Variants in SHISA9 observed in about 807,000 individuals in gnomAD.
SHISA9 encodes the protein shisa family member 9, also known as protein shisa-9.
SHISA9 carries 13 observed loss-of-function variants against 38.0 expected under a neutral mutation model. That is an observed-to-expected ratio of 0.34 (90% CI 0.22 to 0.54). The LOEUF is 0.54. Among genes scored for constraint, SHISA9 ranks in the 20% least tolerant of loss-of-function variants. The pLI is 0.91. For missense variants in SHISA9, 538 were observed against 575.8 expected, an observed-to-expected ratio of 0.93 and a Z score of 0.67; for synonymous variants, 275 against 242.0, an observed-to-expected ratio of 1.14 and a Z score of -1.27.
At chr16:12,977,089 G>C (rs1438496128) in intron 2 of SHISA9, among the ~76,000 whole-genome samples, 2 of 152,176 alleles carry the variant, frequency 1.3e-5, no homozygotes, top group Admixed American at 6.5e-5. Flanking sequence ...TGTTGCCAGT[G>C]AAATGTGAAT....
the SHISA9 span, among the ~76,000 whole-genome samples, chr16:13,353,729 G>A: frequency 2.0e-5 from 3 of 152,120 alleles, no homozygotes; most frequent in Non-Finnish European, 2.9e-5. Flanking sequence ...AGTGGTAAAA[G>A]TATTGTCCAG....
chr16:13,393,602 G>A, the SHISA9 span, among the ~76,000 whole-genome samples: 1 of 152,196 alleles, frequency 6.6e-6, no homozygotes, highest in East Asian at 1.9e-4. Context: ...AAAGCCAACA[G>A]GACTCTTATG....
At chr16:13,127,082 C>G (rs1164138368) in intron 2 of SHISA9, among the ~76,000 whole-genome samples, 5 of 99,864 alleles carry the variant, frequency 5.0e-5, no homozygotes, top group African/African-American at 1.2e-4. Flanking sequence ...GGGAGAGAGA[C>G]AGCTGAGGGA....
intron 2 of SHISA9, among the ~76,000 whole-genome samples, chr16:12,917,366 G>A (rs1306695671): frequency 6.6e-6 from 1 of 152,116 alleles, no homozygotes; most frequent in Non-Finnish European, 1.5e-5. Flanking sequence ...GGTGCAGGGA[G>A]TGGTTATTGA....
intron 2 of SHISA9, among the ~76,000 whole-genome samples, chr16:13,055,668 C>A (rs1331487190): frequency 6.6e-6 from 1 of 152,198 alleles, no homozygotes. Flanking sequence ...TCCCTCCATG[C>A]CCACTCACCC....
intron 2 of SHISA9, among the ~76,000 whole-genome samples, chr16:13,180,690 C>A (rs1480902834): frequency 6.6e-6 from 1 of 152,018 alleles, no homozygotes; most frequent in African/African-American, 2.4e-5. Context: ...AGAGTGAGAC[C>A]CTGTCTCTAA....
intron 2 of SHISA9, among the ~76,000 whole-genome samples, chr16:13,110,217 C>A (rs1470325691): frequency 6.6e-6 from 1 of 152,206 alleles, no homozygotes; most frequent in Non-Finnish European, 1.5e-5. Flanking sequence ...TCCTTCCATG[C>A]CCAGCCATTT....
At chr16:13,395,814 G>A in the SHISA9 span, among the ~76,000 whole-genome samples, 2 of 152,166 alleles carry the variant, frequency 1.3e-5, no homozygotes, top group Non-Finnish European at 2.9e-5. Flanking sequence ...GAACTAAATG[G>A]AACCAGTTCT....
chr16:13,426,465 G>A, the SHISA9 span, among the ~76,000 whole-genome samples: 1 of 152,112 alleles, frequency 6.6e-6, no homozygotes, highest in South Asian at 2.1e-4. Context: ...CCCCCACTGG[G>A]AGGCACTGTC....
chr16:13,094,062 C>T (rs1007907592), intron 2 of SHISA9, among the ~76,000 whole-genome samples: 2 of 152,122 alleles, frequency 1.3e-5, no homozygotes, highest in African/African-American at 2.4e-5. Flanking sequence ...GCTGGGGTCC[C>T]GGTGTCTTGG....
chr16:13,167,213 C>A (rs2050645540), intron 2 of SHISA9, among the ~76,000 whole-genome samples: 1 of 151,780 alleles, frequency 6.6e-6, no homozygotes, highest in South Asian at 2.1e-4. Flanking sequence ...GCTGGGATTA[C>A]AGGCATGCAC....
chr16:13,070,126 G>A (rs1474624644), intron 2 of SHISA9, among the ~76,000 whole-genome samples: 2 of 4,524 alleles, frequency 4.4e-4, no homozygotes, highest in African/African-American at 1.6e-3. Context: ...TAAAGTACGT[G>A]TGTGTGTGTG....
the SHISA9 span, among the ~76,000 whole-genome samples, chr16:13,354,577 T>C: frequency 3.9e-4 from 59 of 149,940 alleles, no homozygotes; most frequent in African/African-American, 1.4e-3. Context: ...TTGGAAGTTA[T>C]GAGAACTGTA....
At chr16:13,113,039 A>T (rs1189043792) in intron 2 of SHISA9, among the ~76,000 whole-genome samples, 1 of 151,726 alleles carries the variant, frequency 6.6e-6, no homozygotes, top group Non-Finnish European at 1.5e-5. Context: ...GTAAAACCCC[A>T]TCTCTATTAA....
chr16:13,426,390 C>T, the SHISA9 span, among the ~76,000 whole-genome samples: 1 of 152,270 alleles, frequency 6.6e-6, no homozygotes, highest in East Asian at 1.9e-4. Context: ...ATGCAGATCT[C>T]TCTCACTCCA....
chr16:13,322,253 T>C, the SHISA9 span, among the ~76,000 whole-genome samples: 1 of 152,322 alleles, frequency 6.6e-6, no homozygotes, highest in South Asian at 2.1e-4. Context: ...AGTGATCTAA[T>C]AGGAAAAAAT....
At chr16:12,950,759 C>T (rs192612224) in intron 2 of SHISA9, among the ~76,000 whole-genome samples, 9 of 151,382 alleles carry the variant, frequency 5.9e-5, no homozygotes, top group African/African-American at 2.2e-4. Context: ...TTAGCTACCA[C>T]GGCTGGCTAA....
intron 2 of SHISA9, among the ~76,000 whole-genome samples, chr16:13,019,984 C>G (rs36118921): frequency 6.6e-5 from 7 of 106,066 alleles, no homozygotes; most frequent in Non-Finnish European, 1.1e-4. Context: ...TCCTTCCTTC[C>G]TTCCTTCCTT....
At chr16:13,116,756 T>G (rs1032439549) in intron 2 of SHISA9, among the ~76,000 whole-genome samples, 27 of 152,204 alleles carry the variant, frequency 1.8e-4, no homozygotes, top group South Asian at 8.3e-4. Context: ...TGTCTACCCT[T>G]GAGGATTACT....
Sources: allele counts gnomAD v4.1 joint callset (sites outside exome capture counted in the v4.1 genomes callset), GRCh38; gene constraint gnomAD v4.1.1; transcripts MANE v1.5; gene names NCBI Gene and HGNC (gene_info 2026-07-23, HGNC 2026-07-21).